Variants in HMCN1 observed in about 807,000 individuals in gnomAD.
HMCN1 encodes the protein hemicentin 1.
Under a neutral mutation model 625.9 loss-of-function variants are expected in HMCN1, and 321 were observed. The ratio of observed to expected loss-of-function variants is 0.51; its 90% CI spans 0.47 to 0.56. The LOEUF (loss-of-function observed/expected upper bound fraction) is 0.56, where lower values mean the gene tolerates loss of function less well. Among genes scored for constraint, HMCN1 ranks in the 20% least tolerant of loss-of-function variants. HMCN1 has a pLI of 0.00. For missense variants in HMCN1, 6,588 were observed against 6,887.3 expected (o/e 0.96, Z 1.54); for synonymous variants, 2,425 against 2,417.6 (o/e 1.00, Z -0.09).
intron 104 of HMCN1, among the ~76,000 whole-genome samples, chr1:186,181,821 T>C (rs1310475004): frequency 6.6e-6 from 1 of 152,090 alleles, no homozygotes; most frequent in African/African-American, 2.4e-5. Context: ...TTAAAGAGTT[T>C]CATATTTTGG....
At chr1:185,780,030 A>T (rs946927303) in intron 1 of HMCN1, among the ~76,000 whole-genome samples, 7 of 152,042 alleles carry the variant, frequency 4.6e-5, no homozygotes, top group Non-Finnish European at 7.4e-5. Context: ...CATTGAGCAG[A>T]GGTTTGTAGT....
At chr1:185,863,026 G>A (rs541471824) in intron 2 of HMCN1, among the ~76,000 whole-genome samples, 1 of 152,262 alleles carries the variant, frequency 6.6e-6, no homozygotes, top group South Asian at 2.1e-4. Context: ...TGGTTCTTAT[G>A]ACCCTGATTA....
At chr1:185,739,169 G>A (rs950787201) in intron 1 of HMCN1, among the ~76,000 whole-genome samples, 11 of 152,120 alleles carry the variant, frequency 7.2e-5, no homozygotes, top group African/African-American at 2.7e-4. Context: ...GACTCCAGCT[G>A]CATCCATGTC....
At chr1:185,804,863 G>A (rs531697717) in intron 1 of HMCN1, among the ~76,000 whole-genome samples, 3 of 152,102 alleles carry the variant, frequency 2.0e-5, no homozygotes, top group Admixed American at 1.3e-4. Context: ...ATGTTATGAC[G>A]AGACTACAGA....
At chr1:185,812,591 G>T (rs1659595750) in intron 1 of HMCN1, among the ~76,000 whole-genome samples, 1 of 152,098 alleles carries the variant, frequency 6.6e-6, no homozygotes, top group Non-Finnish European at 1.5e-5. Flanking sequence ...CTCTTATGAG[G>T]TTTTAAAGGT....
chr1:185,987,717 T>C (rs931418238), intron 20 of HMCN1, among the ~76,000 whole-genome samples, 173 bp downstream of exon 20: 63 of 152,036 alleles, frequency 4.1e-4, no homozygotes, highest in African/African-American at 1.4e-3. Context: ...AGAAACCATA[T>C]AGATGCACCT....
intron 6 of HMCN1, among the ~76,000 whole-genome samples, chr1:185,917,181 G>T (rs751511993): frequency 2.0e-5 from 3 of 151,784 alleles, no homozygotes; most frequent in Non-Finnish European, 4.4e-5. Flanking sequence ...AAAAATTAGG[G>T]TTTTTTTTGT....
intron 28 of HMCN1, among the ~76,000 whole-genome samples, chr1:186,002,803 C>G (rs1653285683): frequency 1.3e-5 from 2 of 152,076 alleles, no homozygotes; most frequent in Admixed American, 6.6e-5. Flanking sequence ...CCTTGATCCC[C>G]AGTCTAGGGA....
rs1423430828 is a variant in HMCN1, at chr1:186,093,497, A to G, written c.10024A>G (p.Ile3342Val). The change falls in exon 66 of 107, where the codon ATT (isoleucine) becomes GTT (valine). Residue 3342 changes from isoleucine to valine, a missense_variant. Physicochemically the swap from Ile to Val is conservative, Grantham distance 29. Transcript: ENST00000271588. ...FNLNVYVTPT[I>V]RGNKDEAEKL... ...TCTGCACAACATAGTTACACCTACA[A>G]TTAGGGGTAATAAAGATGAAGCAGA... The G allele has an allele frequency of 1.9e-6, 3 of 1,612,990 alleles. No homozygotes were observed. Among genetic ancestry groups the G allele is most frequent in the Admixed American group, 3.3e-5 (2 of 59,872 alleles).
chr1:185,834,069 C>T (rs937585216), intron 1 of HMCN1, among the ~76,000 whole-genome samples: 1 of 152,150 alleles, frequency 6.6e-6, no homozygotes. Flanking sequence ...CTTTCTATAA[C>T]TCCACTGTCA....
chr1:186,171,962 T>C, intron 101 of HMCN1, 44 bp from the exon 102 acceptor site: 1 of 1,588,046 alleles, frequency 6.3e-7, no homozygotes, highest in East Asian at 2.2e-5. Context: ...AAAAGTTGAA[T>C]AAATAATTTT....
chr1:185,899,597 G>A lies in HMCN1; in HGVS notation c.622-9740G>A, dbSNP rs146891006. Among the ~76,000 whole-genome samples, 111 of 152,250 alleles carry A rather than the reference G, an allele frequency of 7.3e-4. 2 individuals carry two copies. The highest frequency in any genetic ancestry group is 2.7e-3 in the African/African-American group (111 of 41,572). ...CACAACCCAGATCTGTCACTGAATA[G>A]AAGGGATTTTGGAGAACATTTATGT... On this transcript the variant is annotated intron_variant, in intron 4 of 106. Coordinates refer to ENST00000271588, the MANE Select transcript of HMCN1 (RefSeq NM_031935.3).
At chr1:185,737,226 C>G (rs796240376) in intron 1 of HMCN1, among the ~76,000 whole-genome samples, 1 of 151,778 alleles carries the variant, frequency 6.6e-6, no homozygotes, top group Non-Finnish European at 1.5e-5. Flanking sequence ...ACTATCATGG[C>G]TCACTGCAGA....
At chr1:185,884,634 G>T (rs1306832133) in intron 4 of HMCN1, among the ~76,000 whole-genome samples, 2 of 151,964 alleles carry the variant, frequency 1.3e-5, no homozygotes, top group African/African-American at 4.8e-5. Flanking sequence ...TAGGAGGGTA[G>T]TTTCTAACTT....
Position 186,137,584 on chromosome 1 carries a change from A to G in HMCN1, c.13669A>G (p.Asn4557Asp), listed in dbSNP as rs761861868. 4.5e-5 allele frequency: 72 copies of G among 1,613,858 alleles called. No homozygotes were observed. The highest frequency in any genetic ancestry group is 3.3e-4 in the Middle Eastern group (2 of 6,076). The change falls in exon 88 of 107, where the codon AAC becomes GAC. Residue 4557 changes from asparagine (N) to aspartate (D), a missense_variant. Physicochemically the swap from Asn to Asp is conservative, Grantham distance 23. Transcript: ENST00000271588. Reference sequence around the variant, plus strand: ...CATCCAAAAGAGGAGTCGTCTGTGCAACCAGCCCCTTCCAGCCAATGGTGG... The same window carrying G: ...CATCCAAAAGAGGAGTCGTCTGTGCGACCAGCCCCTTCCAGCCAATGGTGG... ...KGIQKRSRLC[N>D]QPLPANGGKP...
At chr1:185,986,135 C>T (rs1443883875) in intron 19 of HMCN1, among the ~76,000 whole-genome samples, 1 of 152,120 alleles carries the variant, frequency 6.6e-6, no homozygotes, top group Non-Finnish European at 1.5e-5. Context: ...AGTAGCCTGG[C>T]ATTGTTGTTT....
At position 185,933,818 on chromosome 1, in the gene HMCN1, G is replaced by C. The variant is rs767935181; in HGVS notation, c.1822G>C (p.Val608Leu). The change falls in exon 11 of 107, where the codon GTG (valine) becomes CTG (leucine). Residue 608 changes from valine to leucine, a missense_variant. Coordinates refer to ENST00000271588, the MANE Select transcript of HMCN1 (RefSeq NM_031935.3). Reference protein sequence around the residue: ...GSSAASVFLTVQEPPKVTVMP... With the variant: ...GSSAASVFLTLQEPPKVTVMP... The stretch of plus-strand genomic sequence containing the variant: ...ATCAGCCGCTTCAGTTTTCCTCACA[G>C]TGCAAGGTACAGTGCTTTGGTAACT... The C allele has an allele frequency of 1.2e-6, 2 of 1,613,444 alleles. No homozygotes were observed. The highest frequency in any genetic ancestry group is 1.3e-5 in the African/African-American group (1 of 74,912).
At position 186,101,035 on chromosome 1, in the gene HMCN1, A is replaced by G. The variant is rs144702796; in HGVS notation, c.10574-2437A>G. Among the ~76,000 whole-genome samples, 709 of 151,876 alleles carry G rather than the reference A, an allele frequency of 4.7e-3. 8 individuals are homozygous for G. Among genetic ancestry groups the G allele is most frequent in the African/African-American group, 0.016 (679 of 41,406 alleles). On this transcript the variant is annotated intron_variant, in intron 68 of 106. Coordinates refer to ENST00000271588, the MANE Select transcript of HMCN1 (RefSeq NM_031935.3). Reference sequence around the variant, plus strand: ...AGAATTGTCATATACCACTCCATCCACTCCATCTACTCTCTGCTAAAGAGG... The same window carrying G: ...AGAATTGTCATATACCACTCCATCCGCTCCATCTACTCTCTGCTAAAGAGG...
intron 1 of HMCN1, among the ~76,000 whole-genome samples, chr1:185,839,076 G>A (rs887247702): frequency 3.3e-5 from 5 of 152,176 alleles, no homozygotes; most frequent in Non-Finnish European, 7.4e-5. Context: ...CAAAGCTGAA[G>A]TTAGGTCTAT....
Sources: allele counts gnomAD v4.1 joint callset (sites outside exome capture counted in the v4.1 genomes callset), GRCh38; gene constraint gnomAD v4.1.1; transcripts MANE v1.5; gene names NCBI Gene and HGNC (gene_info 2026-07-23, HGNC 2026-07-21).